The following KCND3 variants were observed in gnomAD, a reference collection of about 807,000 sequenced individuals.
KCND3 encodes potassium voltage-gated channel subfamily D member 3.
Under a neutral mutation model 51.1 loss-of-function variants are expected in KCND3, and 9 were observed. That is an observed-to-expected ratio of 0.18 (90% CI 0.11 to 0.31). The LOEUF is 0.31. Ranked by LOEUF, KCND3 falls within the 10% of genes least tolerant of loss-of-function variation. The pLI is 1.00. For missense variants in KCND3, 526 were observed against 903.8 expected (o/e 0.58, Z 5.36); for synonymous variants, 349 against 368.0 (o/e 0.95, Z 0.59).
intron 2 of KCND3, among the ~76,000 whole-genome samples, chr1:111,803,130 C>T (rs929615942): frequency 6.6e-6 from 1 of 152,164 alleles, no homozygotes; most frequent in East Asian, 1.9e-4. Context: ...TGAGCCTTTG[C>T]CTTTTTTCTC....
chr1:111,859,918 C>T (rs1206737216), intron 2 of KCND3, among the ~76,000 whole-genome samples: 1 of 152,158 alleles, frequency 6.6e-6, no homozygotes, highest in Non-Finnish European at 1.5e-5. Context: ...ACTGATGATG[C>T]CAGGGTGGCG....
At chr1:111,957,269 A>G (rs1673387260) in intron 2 of KCND3, among the ~76,000 whole-genome samples, 1 of 152,148 alleles carries the variant, frequency 6.6e-6, no homozygotes, top group Admixed American at 6.5e-5. Context: ...AAGCACACAC[A>G]CAGTGCTGCT....
At chr1:111,802,630 C>T (rs924534227) in intron 2 of KCND3, among the ~76,000 whole-genome samples, 1 of 152,218 alleles carries the variant, frequency 6.6e-6, no homozygotes, top group East Asian at 1.9e-4. Context: ...TGTCTCTCTA[C>T]CCACCAGATG....
At chr1:111,931,715 G>GT (rs1557727246) in intron 2 of KCND3, among the ~76,000 whole-genome samples, 1 of 152,178 alleles carries the variant, frequency 6.6e-6, no homozygotes, top group Non-Finnish European at 1.5e-5. Flanking sequence ...ATAGTGCTGC[G>GT]TAAGTGCTTG....
At chr1:111,842,809 C>G (rs1318112557) in intron 2 of KCND3, among the ~76,000 whole-genome samples, 1 of 152,140 alleles carries the variant, frequency 6.6e-6, no homozygotes. Context: ...TACCACAAAC[C>G]CAGGGATTCT....
intron 2 of KCND3, among the ~76,000 whole-genome samples, chr1:111,980,687 C>G (rs1008220293): frequency 6.6e-6 from 1 of 152,198 alleles, no homozygotes; most frequent in African/African-American, 2.4e-5. Flanking sequence ...CCTAAGAAAT[C>G]TATGTTTCCA....
intron 2 of KCND3, among the ~76,000 whole-genome samples, chr1:111,955,497 T>G (rs1032257309): frequency 2.6e-5 from 4 of 152,218 alleles, no homozygotes; most frequent in Non-Finnish European, 5.9e-5. Flanking sequence ...CATCCCCTCC[T>G]CTGTGCTTCT....
intron 2 of KCND3, among the ~76,000 whole-genome samples, chr1:111,930,287 C>A (rs1041399010): frequency 6.6e-6 from 1 of 152,042 alleles, no homozygotes; most frequent in African/African-American, 2.4e-5. Flanking sequence ...GGAGGGAACC[C>A]CAAAAGGGGG....
intron 2 of KCND3, among the ~76,000 whole-genome samples, chr1:111,922,343 C>T (rs979316905): frequency 3.3e-5 from 5 of 152,206 alleles, no homozygotes; most frequent in South Asian, 2.1e-4. Context: ...GATACAGCTG[C>T]GGTCAGGACA....
chr1:111,863,498 G>A (rs1024374061), intron 2 of KCND3, among the ~76,000 whole-genome samples: 2 of 152,212 alleles, frequency 1.3e-5, no homozygotes, highest in African/African-American at 4.8e-5. Flanking sequence ...GGGACGACAA[G>A]GGAGAAAAGG....
At chr1:111,824,434 A>T (rs2101604856) in intron 2 of KCND3, among the ~76,000 whole-genome samples, 1 of 152,276 alleles carries the variant, frequency 6.6e-6, no homozygotes, top group South Asian at 2.1e-4. Context: ...CCATACCCAC[A>T]CACCACTTGC....
intron 2 of KCND3, among the ~76,000 whole-genome samples, chr1:111,843,024 T>C (rs1026991538): frequency 9.9e-5 from 15 of 152,234 alleles, no homozygotes; most frequent in African/African-American, 3.4e-4. Context: ...GAATAAATGA[T>C]GCTTGTTATT....
At position 111,912,516 on chromosome 1, in the gene KCND3, G is replaced by A. The variant is rs547733932; in HGVS notation, c.1106+69105C>T. Among the ~76,000 whole-genome samples the A allele has an allele frequency of 4.2e-4, 64 of 152,306 alleles. 1 individual carries two copies. The highest frequency in any genetic ancestry group is 9.6e-4 in the African/African-American group (40 of 41,568). ...AGTGTCCTCCTATGTAGAAAAAAAA[G>A]AAAGTTAACTGTAAAACAGCCTCAA... On this transcript the variant is annotated intron_variant, in intron 2 of 7. Transcript: ENST00000302127.
chr1:111,977,450 T>C (rs1185689899), intron 2 of KCND3, among the ~76,000 whole-genome samples: 1 of 152,160 alleles, frequency 6.6e-6, no homozygotes, highest in Non-Finnish European at 1.5e-5. Context: ...TAAAAATCAA[T>C]TCCGTTTTCA....
At chr1:111,874,807 T>C (rs771903979) in intron 2 of KCND3, among the ~76,000 whole-genome samples, 19 of 152,152 alleles carry the variant, frequency 1.2e-4, no homozygotes, top group Non-Finnish European at 2.1e-4. Context: ...GACTGCCACA[T>C]GGATACAAAC....
At position 111,780,162 on chromosome 1, in the gene KCND3, T is replaced by C; in HGVS notation, c.1461+63A>G. 6.9e-7 allele frequency: 1 copy of C among 1,453,646 alleles called. No homozygotes were observed. Among genetic ancestry groups the C allele is most frequent in the South Asian group, 1.2e-5 (1 of 82,048 alleles). The allele number at this position is 1,453,646 out of a possible 1,614,324, so 90.0% of individuals were successfully genotyped here. ...TTCTGGCCCAGAGTGAAGATGTGAG[T>C]ACAGCCTTAGAAAAGGGTCAGGGTC... On this transcript the variant is annotated intron_variant, in intron 5 of 7. Coordinates refer to ENST00000302127, the MANE Select transcript of KCND3 (RefSeq NM_001378969.1). This position sits in a 1 kb window ranked among gnomAD's most constrained non-coding sequence, Gnocchi z 4.2.
chr1:111,970,529 C>T (rs1189375426), intron 2 of KCND3, among the ~76,000 whole-genome samples: 1 of 152,212 alleles, frequency 6.6e-6, no homozygotes, highest in African/African-American at 2.4e-5. Flanking sequence ...CTGATCCTTG[C>T]CTCCTCCATC....
At chr1:111,891,941 C>CTG (rs1277344769) in intron 2 of KCND3, among the ~76,000 whole-genome samples, 13 of 150,262 alleles carry the variant, frequency 8.7e-5, no homozygotes, top group Non-Finnish European at 1.5e-4. Context: ...CTTATTTAGC[C>CTG]TGTGTGTGTG....
chr1:111,941,908 T>C (rs765052465), intron 2 of KCND3, among the ~76,000 whole-genome samples: 7 of 152,212 alleles, frequency 4.6e-5, no homozygotes, highest in Non-Finnish European at 7.4e-5. Flanking sequence ...AGAGGCCATG[T>C]GGATTGGGGG....
Sources: gnomAD v4.1 joint callset for allele counts (sites outside exome capture counted in the v4.1 genomes callset) on GRCh38, gnomAD v4.1.1 for gene constraint, Gnocchi (gnomAD v3.1) non-coding constraint, MANE v1.5 for transcripts, NCBI Gene and HGNC (gene_info 2026-07-23, HGNC 2026-07-21) for gene names.